Variants in CFAP54 observed in about 807,000 individuals in gnomAD.
The protein encoded by CFAP54 is cilia and flagella associated protein 54.
CFAP54 carries 290 observed loss-of-function variants against 370.4 expected under a neutral mutation model. The observed-to-expected ratio is 0.78, with a 90% CI of 0.71 to 0.86. The LOEUF is 0.86. Ranked by LOEUF, CFAP54 falls within the 40% of genes least tolerant of loss-of-function variation. The pLI is 0.00. For synonymous variants in CFAP54, 1,206 were observed against 1,236.5 expected (o/e 0.98, Z 0.52); for missense variants, 3,399 against 3,528.7 (o/e 0.96, Z 0.93).
intron 66 of CFAP54, among the ~76,000 whole-genome samples, chr12:96,837,921 A>T (rs1959191577): frequency 6.6e-6 from 1 of 152,060 alleles, no homozygotes; most frequent in Non-Finnish European, 1.5e-5. Flanking sequence ...ATTAAGCAGC[A>T]CTCCATGGTT....
intron 12 of CFAP54, among the ~76,000 whole-genome samples, chr12:96,536,826 A>G (rs1231447680): frequency 6.6e-6 from 1 of 151,940 alleles, no homozygotes; most frequent in Non-Finnish European, 1.5e-5. Context: ...GGGTTTCCCC[A>G]TGTTGTACAG....
At chr12:96,593,687 A>AAT (rs142113915) in intron 24 of CFAP54, among the ~76,000 whole-genome samples, 15,983 of 151,464 alleles carry the variant, frequency 0.11, 924 homozygotes, top group Middle Eastern at 0.14. Flanking sequence ...CATAATCTTG[A>AAT]ATATATATAT....
At chr12:96,516,896 C>G (rs1297768986) in intron 5 of CFAP54, among the ~76,000 whole-genome samples, 1 of 152,120 alleles carries the variant, frequency 6.6e-6, no homozygotes, top group African/African-American at 2.4e-5. Context: ...CAGCGCCATC[C>G]TGTGGCTGAG....
chr12:96,725,301 C>T (rs1385350377), intron 50 of CFAP54, among the ~76,000 whole-genome samples: 1 of 151,552 alleles, frequency 6.6e-6, no homozygotes, highest in East Asian at 1.9e-4. Context: ...ATTCTTCCTA[C>T]CCATGAGCAT....
chr12:96,662,718 C>T (rs552600563), intron 38 of CFAP54, among the ~76,000 whole-genome samples: 3 of 152,166 alleles, frequency 2.0e-5, no homozygotes, highest in Admixed American at 6.5e-5. Flanking sequence ...AGGTTTTCAC[C>T]GCACTGTTGT....
At chr12:96,872,193 A>G (rs1408060714) in intron 67 of CFAP54, among the ~76,000 whole-genome samples, 2 of 152,176 alleles carry the variant, frequency 1.3e-5, no homozygotes, top group African/African-American at 4.8e-5. Flanking sequence ...AGAAGAAAAA[A>G]CACAAAGTCC....
chr12:96,841,654 T>C (rs923887508), intron 66 of CFAP54, among the ~76,000 whole-genome samples: 5 of 152,266 alleles, frequency 3.3e-5, no homozygotes. Context: ...ATTATGTCCT[T>C]TTCTCAACCA....
chr12:96,678,970 G>A (rs75368473), intron 39 of CFAP54, among the ~76,000 whole-genome samples: 64 of 152,028 alleles, frequency 4.2e-4, no homozygotes, highest in African/African-American at 1.5e-3. Context: ...CTCTCTCTTG[G>A]TCCTGCTTCA....
chr12:96,527,627 C>T (rs12814453), intron 9 of CFAP54, among the ~76,000 whole-genome samples, 183 bp downstream of exon 9: 30,657 of 151,120 alleles, frequency 0.2, 3,450 homozygotes, highest in South Asian at 0.35. Flanking sequence ...AGTGCAGTGG[C>T]GTGATCATGG....
rs1007821807 is a variant in CFAP54, at chr12:96,564,701, T to C, written c.2555T>C (p.Met852Thr). Reference sequence around the variant, plus strand: ...ACATTATCCAAAGCAATTTACTTAATGCAGAAAGCTCTTTTAATATTCGAG... The same window carrying C: ...ACATTATCCAAAGCAATTTACTTAACGCAGAAAGCTCTTTTAATATTCGAG... ...KNTLSKAIYL[M>T]QKALLIFEKD... The change falls in exon 19 of 68, where the codon ATG becomes ACG. Residue 852 changes from methionine (M) to threonine (T), a missense_variant. By Grantham distance (81) the Met-to-Thr change is moderately conservative. Coordinates refer to ENST00000524981, the MANE Select transcript of CFAP54 (RefSeq NM_001306084.2). 14 of 634,906 alleles carry C rather than the reference T, an allele frequency of 2.2e-5. No homozygotes were observed. In the African/African-American group the frequency reaches 2.4e-4, roughly 11 times the overall value. The allele number at this position is 634,906 out of a possible 1,614,324, so 39.3% of individuals were successfully genotyped here. A position where few individuals can be genotyped will look rare whatever the true frequency, so the allele number is the denominator to read the frequency against.
At chr12:96,493,242 T>A (rs76547619) in intron 1 of CFAP54, among the ~76,000 whole-genome samples, 1 of 152,222 alleles carries the variant, frequency 6.6e-6, no homozygotes, top group Non-Finnish European at 1.5e-5. Flanking sequence ...TGACACTGGT[T>A]ACACAGTGGT....
In CFAP54 at chr12:96,512,969, T is replaced by C. The variant is rs1258773195; in HGVS notation, c.740-17T>C. The C allele has an allele frequency of 1.4e-6, 2 of 1,478,670 alleles. No individual in the cohort carries two copies. Among genetic ancestry groups the C allele is most frequent in the Non-Finnish European group, 1.8e-6 (2 of 1,108,998 alleles). 91.6% of individuals were successfully genotyped at this position (1,478,670 alleles called of 1,614,324 possible). On this transcript the variant is annotated splice_polypyrimidine_tract_variant and intron_variant, in intron 4 of 67. Transcript: ENST00000524981. ...ATTTGACTGTAAAACATGTTAACAA[T>C]CGTTTTCTCCATCCAGGTACCATTT...
chr12:96,580,947 G>A lies in CFAP54; in HGVS notation c.2917G>A (p.Glu973Lys), dbSNP rs1466708816. The A allele has an allele frequency of 5.9e-6, 9 of 1,515,900 alleles. No homozygotes were observed. Among genetic ancestry groups the A allele is most frequent in the Non-Finnish European group, 6.2e-6 (7 of 1,137,912 alleles). The allele number at this position is 1,515,900 out of a possible 1,614,324, so 93.9% of individuals were successfully genotyped here. A position where few individuals can be genotyped will look rare whatever the true frequency, so the allele number is the denominator to read the frequency against. ...ACCAGCTGACGGTAAAAGTGTTTTTGAAGTGAAAGGTTTAGAAACCAATGA... is the reference window on the plus strand; with the variant it reads ...ACCAGCTGACGGTAAAAGTGTTTTTAAAGTGAAAGGTTTAGAAACCAATGA... The part of the protein sequence containing the change: ...AIPADGKSVF[E>K]VKGLETNEKY... The change falls in exon 22 of 68, where the codon GAA becomes AAA. Residue 973 changes from glutamate (E) to lysine (K), a missense_variant. This residue lies in a region of CFAP54 where 2,796 missense variants were observed against 2,869.7 expected (regional missense o/e 0.97). Coordinates refer to ENST00000524981, the MANE Select transcript of CFAP54 (RefSeq NM_001306084.2).
chr12:96,688,510 A>C lies in CFAP54; in HGVS notation c.6015-406A>C, dbSNP rs904425354. On this transcript the variant is annotated intron_variant, in intron 42 of 67. Transcript: ENST00000524981. ...TTGGAAAATGCCAAAGTGGAGATTC[A>C]TATTTTTATGTTATGGCACATCTGT... 2.0e-5 allele frequency among the ~76,000 whole-genome samples: 3 copies of C among 152,246 alleles called. No individual in the cohort carries two copies. In the South Asian group the frequency reaches 6.2e-4, roughly 31 times the overall value.
intron 4 of CFAP54, among the ~76,000 whole-genome samples, chr12:96,507,712 C>T (rs1005479986): frequency 5.9e-5 from 9 of 152,106 alleles, no homozygotes; most frequent in Admixed American, 1.3e-4. Flanking sequence ...ACAGTGTGTT[C>T]GATGTGCATA....
chr12:96,647,971 T>G lies in CFAP54; in HGVS notation c.4644T>G (p.Leu1548=), dbSNP rs1226271361. 2 of 1,522,998 alleles carry G rather than the reference T, an allele frequency of 1.3e-6. No homozygotes were observed. The highest frequency in any genetic ancestry group is 2.1e-5 in the Admixed American group (1 of 47,198). 94.3% of individuals were successfully genotyped at this position (1,522,998 alleles called of 1,614,324 possible). A position where few individuals can be genotyped will look rare whatever the true frequency, so the allele number is the denominator to read the frequency against. Residue 1548 remains leucine (L), a synonymous_variant, in exon 34 of 68, where the codon CTT becomes CTG. Transcript: ENST00000524981. ...KLTVENYKAM[L]DFLLTAKKRK... ...CTGTAGAAAATTATAAAGCAATGCT[T>G]GATTTCCTTCTTACAGCCAAAAAAA...
intron 1 of CFAP54, among the ~76,000 whole-genome samples, chr12:96,494,971 C>T (rs183260338): frequency 1.9e-4 from 29 of 152,230 alleles, no homozygotes; most frequent in Admixed American, 8.5e-4. Context: ...GTGATCCGAC[C>T]GCTTTGGCCT....
At chr12:96,494,049 G>A (rs768800471) in intron 1 of CFAP54, among the ~76,000 whole-genome samples, 15 of 152,060 alleles carry the variant, frequency 9.9e-5, no homozygotes, top group Admixed American at 2.0e-4. Context: ...GAGATTAGAA[G>A]GACACCTGGG....
intron 65 of CFAP54, among the ~76,000 whole-genome samples, chr12:96,821,013 G>A (rs554188847): frequency 1.3e-5 from 2 of 152,130 alleles, no homozygotes; most frequent in Non-Finnish European, 2.9e-5. Context: ...AGGAGAATGA[G>A]CATCTGTTAG....
Sources: gnomAD v4.1 joint callset for allele counts (sites outside exome capture counted in the v4.1 genomes callset) on GRCh38, gnomAD v4.1.1 for gene constraint, gnomAD v4.1.1 regional missense constraint, MANE v1.5 for transcripts, NCBI Gene and HGNC (gene_info 2026-07-23, HGNC 2026-07-21) for gene names.